Variants in PTPN9 observed in about 807,000 individuals in gnomAD.
The protein encoded by PTPN9 is protein tyrosine phosphatase non-receptor type 9.
Under a neutral mutation model 69.8 loss-of-function variants are expected in PTPN9, and 26 were observed. That is an observed-to-expected ratio of 0.37 (90% CI 0.27 to 0.52). The LOEUF (loss-of-function observed/expected upper bound fraction) is 0.52. Among genes scored for constraint, PTPN9 ranks in the 20% least tolerant of loss-of-function variants. PTPN9 has a pLI of 0.91. For missense variants in PTPN9, 549 were observed against 740.3 expected, an observed-to-expected ratio of 0.74 and a Z score of 3.00; for synonymous variants, 274 against 272.5, an observed-to-expected ratio of 1.01 and a Z score of -0.05.
intron 9 of PTPN9, among the ~76,000 whole-genome samples, chr15:75,474,242 G>A (rs952101204): frequency 1.3e-5 from 2 of 152,108 alleles, no homozygotes; most frequent in Non-Finnish European, 1.5e-5. Context: ...TATCTTGGCC[G>A]GGTGCAGTGG....
chr15:75,509,876 C>T (rs1489832637), intron 5 of PTPN9, among the ~76,000 whole-genome samples: 5 of 152,124 alleles, frequency 3.3e-5, no homozygotes, highest in Non-Finnish European at 4.4e-5. Context: ...CCCTGCTACT[C>T]GGGAGGCTAA....
chr15:75,501,217 G>A (rs1376610735), intron 7 of PTPN9, among the ~76,000 whole-genome samples: 6 of 152,138 alleles, frequency 3.9e-5, no homozygotes, highest in Non-Finnish European at 8.8e-5. Flanking sequence ...CTGGACAGGA[G>A]TTACAAGAGA....
In PTPN9 at chr15:75,464,959, A is replaced by G. The variant is rs2074530957; in HGVS notation, c.*3810T>C. On this transcript the variant is annotated 3_prime_UTR_variant, in exon 13 of 13. Transcript: ENST00000618819. ...GCAAGATGAAGGGAGCAATGGGAAA[A>G]AGGACACAGGGATTATCTCATGTTT... is the stretch of plus-strand genomic sequence containing the variant. 6.6e-6 allele frequency: 1 copy of G among 152,194 alleles called. No homozygotes were observed. Among genetic ancestry groups the G allele is most frequent in the Non-Finnish European group, 1.5e-5 (1 of 68,034 alleles). 9.4% of individuals were successfully genotyped at this position (152,194 alleles called of 1,614,324 possible).
chr15:75,509,573 A>C (rs1416667536), intron 5 of PTPN9, among the ~76,000 whole-genome samples: 2 of 151,994 alleles, frequency 1.3e-5, no homozygotes, highest in Non-Finnish European at 2.9e-5. Flanking sequence ...TGTAATCCCA[A>C]CTACTCAGAA....
At chr15:75,485,621 C>T (rs1215599028) in intron 8 of PTPN9, among the ~76,000 whole-genome samples, 8 of 150,162 alleles carry the variant, frequency 5.3e-5, no homozygotes, top group South Asian at 4.2e-4. Context: ...CCACCCGCCT[C>T]GGCCTCCCAA....
chr15:75,506,063 C>T, intron 6 of PTPN9, 60 bp from the exon 7 acceptor site: 6 of 1,307,678 alleles, frequency 4.6e-6, no homozygotes, highest in Non-Finnish European at 6.4e-6. Context: ...TATAGAGTGA[C>T]AAAGAATAAA....
At chr15:75,484,794 T>C (rs954072162) in intron 8 of PTPN9, among the ~76,000 whole-genome samples, 1 of 152,166 alleles carries the variant, frequency 6.6e-6, no homozygotes, top group African/African-American at 2.4e-5. Flanking sequence ...CCTCAACCTA[T>C]CACTCGTTCT....
chr15:75,564,244 C>T (rs1303231027), intron 1 of PTPN9, among the ~76,000 whole-genome samples: 4 of 151,838 alleles, frequency 2.6e-5, no homozygotes, highest in Non-Finnish European at 5.9e-5. Context: ...AGCTACCATG[C>T]CTGGCCAAAA....
rs193055620 is a variant in PTPN9 at position 75,521,325 on chromosome 15, G to A, written c.422+1796C>T. Among the ~76,000 whole-genome samples, 540 of 150,486 alleles carry A rather than the reference G, an allele frequency of 3.6e-3. 1 individual carries two copies. Among genetic ancestry groups the A allele is most frequent in the African/African-American group, 0.012 (501 of 41,020 alleles). The stretch of plus-strand genomic sequence containing the variant: ...AAAAAAAACGGGCGTGGTGGCAGGC[G>A]CCTGTAGTCCCAGCTACTCGGGAGG... On this transcript the variant is annotated intron_variant, in intron 4 of 12. Coordinates refer to ENST00000618819, the MANE Select transcript of PTPN9 (RefSeq NM_002833.4).
chr15:75,493,239 A>G (rs1168831866), intron 7 of PTPN9, among the ~76,000 whole-genome samples: 2 of 152,170 alleles, frequency 1.3e-5, no homozygotes, highest in African/African-American at 4.8e-5. Flanking sequence ...AAGATAGTCA[A>G]TAAGAGAAAA....
chr15:75,534,845 C>T (rs1301636218), intron 1 of PTPN9, among the ~76,000 whole-genome samples: 1 of 150,756 alleles, frequency 6.6e-6, no homozygotes, highest in Non-Finnish European at 1.5e-5. Flanking sequence ...TGCTGGCTTG[C>T]GCCTGTAATC....
chr15:75,479,579 A>C (rs1372614753), intron 9 of PTPN9, among the ~76,000 whole-genome samples: 3 of 152,170 alleles, frequency 2.0e-5, no homozygotes, highest in Non-Finnish European at 4.4e-5. Context: ...CAATACTAAG[A>C]AATAGCCCCA....
At chr15:75,504,328 C>G (rs1595955406) in intron 7 of PTPN9, among the ~76,000 whole-genome samples, 6 of 116,150 alleles carry the variant, frequency 5.2e-5, no homozygotes, top group Non-Finnish European at 5.4e-5. Context: ...GCCGCCCCTA[C>G]TGGGAAGTGA....
rs1345021361 is a variant in PTPN9 at position 75,463,635 on chromosome 15, A to C, written c.*5134T>G. ...AGCCAAGGTAAAGAAGGGAGATTTA[A>C]ACATTGTAACAGGTTTCAAGGTGCT... On this transcript the variant is annotated 3_prime_UTR_variant, in exon 13 of 13. Coordinates refer to ENST00000618819, the MANE Select transcript of PTPN9 (RefSeq NM_002833.4). 6.6e-6 allele frequency: 1 copy of C among 152,202 alleles called. No homozygotes were observed. Among genetic ancestry groups the C allele is most frequent in the Non-Finnish European group, 1.5e-5 (1 of 68,038 alleles). The allele number at this position is 152,202 out of a possible 1,614,324, so 9.4% of individuals were successfully genotyped here. A position where few individuals can be genotyped will look rare whatever the true frequency, so the allele number is the denominator to read the frequency against.
At position 75,554,087 on chromosome 15, in the gene PTPN9, T is replaced by C. The variant is rs888180924; in HGVS notation, c.63+24627A>G. ...CTGGAGTATTGCAGTGGCACAATCATGGGTCACTGCAGCCTCAACCTTACA... is the reference window on the plus strand; with the variant it reads ...CTGGAGTATTGCAGTGGCACAATCACGGGTCACTGCAGCCTCAACCTTACA... On this transcript the variant is annotated intron_variant, in intron 1 of 12. Transcript: ENST00000618819. Among the ~76,000 whole-genome samples the C allele has an allele frequency of 7.3e-5, 11 of 149,908 alleles. No individual in the cohort carries two copies. In the Admixed American group the frequency reaches 7.4e-4, roughly 10 times the overall value.
At chr15:75,535,278 G>A (rs1024143700) in intron 1 of PTPN9, among the ~76,000 whole-genome samples, 4 of 152,162 alleles carry the variant, frequency 2.6e-5, no homozygotes, top group Admixed American at 2.6e-4. Context: ...TTACAGGCCT[G>A]AGCCACCGCG....
intron 1 of PTPN9, among the ~76,000 whole-genome samples, chr15:75,564,113 T>C (rs1040234921): frequency 6.6e-6 from 1 of 151,854 alleles, no homozygotes; most frequent in Non-Finnish European, 1.5e-5. Context: ...AGGTCTCACT[T>C]TGTCACCCAG....
chr15:75,552,508 T>C (rs1020713414), intron 1 of PTPN9, among the ~76,000 whole-genome samples: 1 of 152,126 alleles, frequency 6.6e-6, no homozygotes, highest in African/African-American at 2.4e-5. Context: ...ACTTTCAGTA[T>C]TCAATAAATT....
At chr15:75,534,710 C>T (rs533829827) in intron 1 of PTPN9, among the ~76,000 whole-genome samples, 3 of 149,262 alleles carry the variant, frequency 2.0e-5, no homozygotes, top group Non-Finnish European at 3.0e-5. Flanking sequence ...CAATGGTTCA[C>T]GCCTATAATC....
Sources: gnomAD v4.1 joint callset for allele counts (sites outside exome capture counted in the v4.1 genomes callset) on GRCh38, gnomAD v4.1.1 for gene constraint, MANE v1.5 for transcripts, NCBI Gene and HGNC (gene_info 2026-07-23, HGNC 2026-07-21) for gene names.